The following FBN1 variants were observed in gnomAD, a reference collection of about 807,000 sequenced individuals.
The protein encoded by FBN1 is fibrillin-1.
FBN1 carries 29 observed loss-of-function variants against 365.1 expected under a neutral mutation model. The observed-to-expected ratio is 0.08, with a 90% CI of 0.06 to 0.11. FBN1 has a LOEUF of 0.11. Ranked by LOEUF, FBN1 falls within the 10% of genes least tolerant of loss-of-function variation. The probability of loss-of-function intolerance (pLI) is 1.00; values close to 1 mark genes in which losing one functional copy is unlikely to be tolerated. For synonymous variants in FBN1, 1,210 were observed against 1,270.5 expected (o/e 0.95, Z 1.01); for missense variants, 2,476 against 3,703.2 (o/e 0.67, Z 8.60).
At chr15:48,624,000 C>T (rs1251440900) in intron 2 of FBN1, among the ~76,000 whole-genome samples, 1 of 151,834 alleles carries the variant, frequency 6.6e-6, no homozygotes, top group Non-Finnish European at 1.5e-5. Flanking sequence ...CACACACGCA[C>T]AGCCTAAGAA....
chr15:48,570,670 C>CA (rs574829650), intron 6 of FBN1, among the ~76,000 whole-genome samples: 58 of 152,306 alleles, frequency 3.8e-4, no homozygotes, highest in African/African-American at 1.2e-3. Flanking sequence ...AATTCTTGCT[C>CA]AGTTATTGAT....
At chr15:48,490,195 A>C in intron 24 of FBN1, 117 bp from the exon 25 acceptor site, 2 of 922,096 alleles carry the variant, frequency 2.2e-6, no homozygotes, top group Non-Finnish European at 3.5e-6. Flanking sequence ...ATACTTATTG[A>C]CTGGAATTAG....
chr15:48,432,290 A>G (rs1326094871), intron 55 of FBN1, among the ~76,000 whole-genome samples: 1 of 152,228 alleles, frequency 6.6e-6, no homozygotes, highest in Non-Finnish European at 1.5e-5. Flanking sequence ...TAAGATATTG[A>G]CAGGAGCAAA....
intron 47 of FBN1, 68 bp downstream of exon 47, chr15:48,446,638 T>C: frequency 1.1e-6 from 1 of 906,844 alleles, no homozygotes; most frequent in Non-Finnish European, 1.9e-6. Context: ...ACACTAGAGA[T>C]GATGCTAATT....
At chr15:48,601,335 C>A (rs908419367) in intron 4 of FBN1, among the ~76,000 whole-genome samples, 2 of 152,196 alleles carry the variant, frequency 1.3e-5, no homozygotes, top group African/African-American at 4.8e-5. Context: ...AAATCCTAGG[C>A]TATTTCCTAG....
chr15:48,417,536 AG>A (rs1353115577), intron 63 of FBN1, among the ~76,000 whole-genome samples: 2 of 146,412 alleles, frequency 1.4e-5, no homozygotes, highest in African/African-American at 5.1e-5. Flanking sequence ...CTTCAGCTAC[AG>A]GTCTTTGATC....
At chr15:48,606,249 T>C (rs186124050) in intron 4 of FBN1, among the ~76,000 whole-genome samples, 1 of 152,286 alleles carries the variant, frequency 6.6e-6, no homozygotes, top group East Asian at 1.9e-4. Context: ...GAACATAAGA[T>C]TTGTGTTCAC....
At chr15:48,472,031 T>C (rs2043380389) in intron 35 of FBN1, among the ~76,000 whole-genome samples, 1 of 152,244 alleles carries the variant, frequency 6.6e-6, no homozygotes, top group African/African-American at 2.4e-5. Flanking sequence ...TGTTCATATA[T>C]GTTAGATATT....
At position 48,437,313 on chromosome 15, in the gene FBN1, G is replaced by A. The variant is rs1555395223; in HGVS notation, c.6379+9C>T. ...GAGAAATGCTGAGAATCCAGCACAG[G>A]CAACTGACCAACTGCTGAATCATCA... On this transcript the variant is annotated intron_variant, in intron 52 of 65. Transcript: ENST00000316623. 1 of 1,610,634 alleles carries A rather than the reference G, an allele frequency of 6.2e-7. No individual in the cohort carries two copies. The highest frequency in any genetic ancestry group is 1.7e-4 in the Middle Eastern group (1 of 6,046).
intron 2 of FBN1, among the ~76,000 whole-genome samples, chr15:48,630,361 T>C (rs1482780958): frequency 2.0e-5 from 3 of 152,146 alleles, no homozygotes; most frequent in African/African-American, 7.2e-5. Context: ...TAGCAAAGAA[T>C]CCTGGTATGT....
intron 52 of FBN1, 71 bp from the exon 53 acceptor site, chr15:48,437,148 CA>C: frequency 8.1e-7 from 1 of 1,228,626 alleles, no homozygotes; most frequent in Non-Finnish European, 1.2e-6. Context: ...ATGATCATTT[CA>C]GTGTTTAATC....
intron 44 of FBN1, among the ~76,000 whole-genome samples, chr15:48,453,914 G>T (rs1046284252): frequency 1.3e-5 from 2 of 151,984 alleles, no homozygotes; most frequent in Admixed American, 6.6e-5. Flanking sequence ...TAAATGCAAG[G>T]CTTGATTTAT....
chr15:48,534,210 C>T lies in FBN1; in HGVS notation c.737-5G>A. 4 of 1,605,866 alleles carry T rather than the reference C, an allele frequency of 2.5e-6. No homozygotes were observed. The South Asian group carries it at 4.4e-5, about 18-fold the overall frequency. On this transcript the variant is annotated splice_polypyrimidine_tract_variant and splice_region_variant and intron_variant, in intron 7 of 65. Transcript: ENST00000316623. ...TGGCCTGGCATTCATCCACATCTGT[C>T]AGATTACAGAAGACAGAGAGAAAAA...
intron 6 of FBN1, among the ~76,000 whole-genome samples, chr15:48,588,808 C>T (rs2044454885): frequency 6.6e-6 from 1 of 152,134 alleles, no homozygotes; most frequent in Admixed American, 6.5e-5. Flanking sequence ...TCCTGGGAAA[C>T]TGGTGAAGGG....
chr15:48,422,944 A>G (rs1360445456), intron 60 of FBN1, among the ~76,000 whole-genome samples: 12 of 151,290 alleles, frequency 7.9e-5, no homozygotes, highest in Non-Finnish European at 1.5e-5. Flanking sequence ...AAACAAAAAC[A>G]AAAACAAAAA....
chr15:48,463,336 T>A (rs1047921282), intron 41 of FBN1, 96 bp from the exon 42 acceptor site: 6 of 1,210,648 alleles, frequency 5.0e-6, no homozygotes, highest in Admixed American at 1.7e-5. Flanking sequence ...GCAAGTTTCA[T>A]TTGAATTGTA....
In FBN1 at chr15:48,542,781, ATGTGTGTGTGTGTGTGTGTGTGTGTGTG is replaced by A. The variant is rs58728910; in HGVS notation, c.539-5001_539-4974del. ...TATTTCTGCCCTCTAGGACTCTAAGATGTGTGTGTGTGTGTGTGTGTGTGTGTGTGTGTGTGTGTGTGTGTGTGTATTT... is the reference window on the plus strand; with the variant it reads ...TATTTCTGCCCTCTAGGACTCTAAGATGTGTGTGTGTGTGTGTGTGTATTT... On this transcript the variant is annotated intron_variant, in intron 6 of 65. Transcript: ENST00000316623. Among the ~76,000 whole-genome samples the A allele has an allele frequency of 5.4e-5, 7 of 130,662 alleles. No homozygotes were observed. The South Asian group carries it at 1.3e-3, about 24-fold the overall frequency. 85.7% of individuals were successfully genotyped at this position (130,662 alleles called of 152,430 possible). A position where few individuals can be genotyped will look rare whatever the true frequency, so the allele number is the denominator to read the frequency against.
intron 2 of FBN1, chr15:48,644,145 G>C (rs949400027): frequency 5.8e-6 from 1 of 172,460 alleles, no homozygotes; most frequent in African/African-American, 2.4e-5. Flanking sequence ...TTACGGAAGA[G>C]TCAACTACTG....
rs919900374 is a variant in FBN1 at position 48,529,024 on chromosome 15, G to C, written c.863-2769C>G. On this transcript the variant is annotated intron_variant, in intron 8 of 65. Transcript: ENST00000316623. ...TATTTCTCCAAGTTCTTCCCACTCT[G>C]TGTTCATCTCCTTTTAATTGAATTT... is the stretch of plus-strand genomic sequence containing the variant. The C allele has an allele frequency of 2.0e-5, 3 of 152,188 alleles. No homozygotes were observed. In the South Asian group the frequency reaches 6.2e-4, roughly 31 times the overall value. The allele number at this position is 152,188 out of a possible 1,614,324, so 9.4% of individuals were successfully genotyped here. A position where few individuals can be genotyped will look rare whatever the true frequency, so the allele number is the denominator to read the frequency against.
Sources: gnomAD v4.1 joint callset for allele counts (sites outside exome capture counted in the v4.1 genomes callset) on GRCh38, gnomAD v4.1.1 for gene constraint, MANE v1.5 for transcripts, NCBI Gene and HGNC (gene_info 2026-07-23, HGNC 2026-07-21) for gene names.